Variants in RAI1 observed in about 807,000 individuals in gnomAD.
RAI1 encodes the protein retinoic acid-induced protein 1.
Under a neutral mutation model 123.8 loss-of-function variants are expected in RAI1, and 9 were observed. The observed-to-expected ratio is 0.07, with a 90% confidence interval of 0.04 to 0.13. The LOEUF is 0.13. Among genes scored for constraint, RAI1 ranks in the 10% least tolerant of loss-of-function variants. RAI1 has a pLI of 1.00. For missense variants in RAI1, 2,256 were observed against 2,545.8 expected, an observed-to-expected ratio of 0.89 and a Z score of 2.45; for synonymous variants, 1,231 against 1,127.3, an observed-to-expected ratio of 1.09 and a Z score of -1.84.
chr17:17,684,032 C>T (rs557959451), intron 1 of RAI1: 3 of 152,138 alleles, frequency 2.0e-5, no homozygotes, highest in Non-Finnish European at 2.9e-5. Flanking sequence ...CGACACCACA[C>T]GTAGCTAATT....
chr17:17,733,770 G>A (rs1429282938), intron 2 of RAI1, among the ~76,000 whole-genome samples: 8 of 152,092 alleles, frequency 5.3e-5, no homozygotes, highest in African/African-American at 7.2e-5. Context: ...CCATGTTCTC[G>A]TACATAACCT....
At chr17:17,776,699 G>T in intron 2 of RAI1, 2 of 115,402 alleles carry the variant, frequency 1.7e-5, no homozygotes, top group Admixed American at 1.3e-4. Flanking sequence ...AGAGGGTCTT[G>T]CTCTGTCGCC....
chr17:17,772,041 G>T (rs1334870196), intron 2 of RAI1, among the ~76,000 whole-genome samples: 1 of 152,194 alleles, frequency 6.6e-6, no homozygotes, highest in East Asian at 1.9e-4. Flanking sequence ...CCTCAGACAT[G>T]CAATCTGTCA....
chr17:17,796,085 G>C lies in RAI1; in HGVS notation c.3137G>C (p.Arg1046Pro), dbSNP rs763656384. 1.3e-6 allele frequency: 2 copies of C among 1,579,904 alleles called. No individual in the cohort carries two copies. The highest frequency in any genetic ancestry group is 1.3e-5 in the African/African-American group (1 of 74,298). The change falls in exon 3 of 6, where the codon CGG becomes CCG. Residue 1046 changes from arginine (R) to proline (P), a missense_variant. By Grantham distance (103) the Arg-to-Pro change is moderately radical. Coordinates refer to ENST00000353383, the MANE Select transcript of RAI1 (RefSeq NM_030665.4). The surrounding 1 kb of genome is among the most constrained non-coding windows in gnomAD (Gnocchi z 5.8). ...ATGGAAGGGGCTGGAGCCCCAGGCC[G>C]GGGGGCCTCGGAAGGGCTCCCCAGG... is the stretch of plus-strand genomic sequence containing the variant. ...GQMEGAGAPG[R>P]GASEGLPRMC...
At chr17:17,696,606 C>T (rs936497521) in intron 1 of RAI1, among the ~76,000 whole-genome samples, 1 of 152,236 alleles carries the variant, frequency 6.6e-6, no homozygotes, top group Non-Finnish European at 1.5e-5. Flanking sequence ...TGTTCACTTT[C>T]TGAGTTTGTC....
At chr17:17,688,133 G>C (rs1396696664) in intron 1 of RAI1, among the ~76,000 whole-genome samples, 1 of 151,860 alleles carries the variant, frequency 6.6e-6, no homozygotes, top group Non-Finnish European at 1.5e-5. Context: ...ACACCAGCCT[G>C]GGTTCAAATC....
intron 2 of RAI1, among the ~76,000 whole-genome samples, chr17:17,789,357 G>A (rs1006308659): frequency 1.3e-5 from 2 of 152,256 alleles, no homozygotes; most frequent in African/African-American, 2.4e-5. Flanking sequence ...CAGAGTAGGT[G>A]TTCTGCAGCC....
At chr17:17,733,447 A>G (rs560727789) in intron 2 of RAI1, among the ~76,000 whole-genome samples, 6 of 152,288 alleles carry the variant, frequency 3.9e-5, no homozygotes, top group Admixed American at 6.5e-5. Context: ...ACTAACACCA[A>G]TCAGATTCTG....
chr17:17,741,087 GCGCGCACACACACACACACACACACT>G (rs1420842846), intron 2 of RAI1, among the ~76,000 whole-genome samples: 2 of 147,770 alleles, frequency 1.4e-5, no homozygotes, highest in Admixed American at 1.3e-4. Context: ...GCACAAGCGC[GCGCGCACACACACACACACACACACT>G]CGCGCACGCA....
chr17:17,705,791 C>T (rs1434187394), intron 1 of RAI1, among the ~76,000 whole-genome samples: 6 of 151,856 alleles, frequency 4.0e-5, no homozygotes, highest in Admixed American at 3.3e-4. Flanking sequence ...TTTGAGAGGC[C>T]GAGGTGGGCA....
intron 2 of RAI1, among the ~76,000 whole-genome samples, chr17:17,748,401 G>A (rs1411149535): frequency 1.3e-5 from 2 of 152,218 alleles, no homozygotes; most frequent in Non-Finnish European, 2.9e-5. Flanking sequence ...GTGCTGCTCC[G>A]AGAAGGTTGA....
Position 17,809,149 on chromosome 17 carries a change from G to A in RAI1, c.5660-241G>A, listed in dbSNP as rs2143006443. 6.7e-6 allele frequency: 4 copies of A among 598,024 alleles called. No homozygotes were observed. The East Asian group carries it at 1.2e-4, about 17-fold the overall frequency. 37.0% of individuals were successfully genotyped at this position (598,024 alleles called of 1,614,324 possible). Reference sequence around the variant, plus strand: ...AGGGGCGGCACGTGGAACTCAGGGGGAAAAGCTCTCCGCGGAGGAGGTGAG... The same window carrying A: ...AGGGGCGGCACGTGGAACTCAGGGGAAAAAGCTCTCCGCGGAGGAGGTGAG... On this transcript the variant is annotated intron_variant, in intron 4 of 5. Coordinates refer to ENST00000353383, the MANE Select transcript of RAI1 (RefSeq NM_030665.4). The surrounding 1 kb of genome is among the most constrained non-coding windows in gnomAD (Gnocchi z 4.9).
intron 1 of RAI1, among the ~76,000 whole-genome samples, chr17:17,712,783 ACTGATT>A (rs1304724394): frequency 1.3e-5 from 2 of 152,226 alleles, no homozygotes; most frequent in South Asian, 2.1e-4. Context: ...TAAACACGAT[ACTGATT>A]CTAAGGACTT....
intron 1 of RAI1, chr17:17,682,662 C>T (rs1488118283): frequency 6.6e-6 from 1 of 152,182 alleles, no homozygotes; most frequent in Non-Finnish European, 1.5e-5. Context: ...CGCCAGGGGC[C>T]TCCGTGGTGG....
intron 2 of RAI1, among the ~76,000 whole-genome samples, chr17:17,767,691 G>T (rs186455989): frequency 6.6e-6 from 1 of 152,188 alleles, no homozygotes; most frequent in African/African-American, 2.4e-5. Flanking sequence ...AGGGGTCATC[G>T]CCCTCCCTAA....
chr17:17,797,906 C>T lies in RAI1; in HGVS notation c.4958C>T (p.Pro1653Leu), dbSNP rs931068297. 1.2e-6 allele frequency: 2 copies of T among 1,614,018 alleles called. No homozygotes were observed. Among genetic ancestry groups the T allele is most frequent in the South Asian group, 1.1e-5 (1 of 91,084 alleles). The part of the protein sequence containing the change: ...DAAGASLATL[P>L]GGSILQPRPS... Reference sequence around the variant, plus strand: ...GCCGGGGCCTCCCTGGCCACACTCCCTGGAGGCTCCATCCTGCAGCCGCGG... The same window carrying T: ...GCCGGGGCCTCCCTGGCCACACTCCTTGGAGGCTCCATCCTGCAGCCGCGG... Residue 1653 changes from proline (P) to leucine (L), a missense_variant, in exon 3 of 6, where the codon CCT (proline) becomes CTT (leucine). Transcript: ENST00000353383.
At chr17:17,779,741 C>CT (rs1355318745) in intron 2 of RAI1, among the ~76,000 whole-genome samples, 1 of 151,044 alleles carries the variant, frequency 6.6e-6, no homozygotes, top group Non-Finnish European at 1.5e-5. Context: ...ATGGTAGGCC[C>CT]TGGGACTTCT....
rs771954430 is a variant in RAI1, at chr17:17,794,340, T to C, written c.1392T>C (p.Gly464=). The part of the protein sequence containing the change: ...LSKAAVPQKK[G]VKNLVSRTPE... ...AGGCTGCTGTGCCGCAGAAGAAAGG[T>C]GTCAAGAACCTCGTGTCCAGGACCC... The change falls in exon 3 of 6, where the codon GGT becomes GGC. Residue 464 remains glycine, a synonymous_variant. Coordinates refer to ENST00000353383, the MANE Select transcript of RAI1 (RefSeq NM_030665.4). The C allele has an allele frequency of 1.9e-6, 3 of 1,612,818 alleles. No homozygotes were observed. Among genetic ancestry groups the C allele is most frequent in the South Asian group, 2.2e-5 (2 of 91,078 alleles).
intron 2 of RAI1, among the ~76,000 whole-genome samples, chr17:17,763,838 G>C (rs1356838323): frequency 6.6e-6 from 1 of 152,230 alleles, no homozygotes; most frequent in Non-Finnish European, 1.5e-5. Context: ...CCTTCAAACA[G>C]GGTTTGACCC....
Sources: gnomAD v4.1 joint callset for allele counts (sites outside exome capture counted in the v4.1 genomes callset) on GRCh38, gnomAD v4.1.1 for gene constraint, Gnocchi (gnomAD v3.1) non-coding constraint, MANE v1.5 for transcripts, NCBI Gene and HGNC (gene_info 2026-07-23, HGNC 2026-07-21) for gene names.